The following MBNL3 variants were observed in gnomAD, a reference collection of about 807,000 sequenced individuals.
The protein encoded by MBNL3 is muscleblind like splicing regulator 3.
MBNL3 carries 6 observed loss-of-function variants against 24.5 expected under a neutral mutation model. That is an observed-to-expected ratio of 0.25 (90% CI 0.13 to 0.48). The LOEUF is 0.48. MBNL3 is among the 20% of genes least tolerant of loss of function. The pLI is 0.99. For synonymous variants in MBNL3, 100 were observed against 101.7 expected, an observed-to-expected ratio of 0.98 and a Z score of 0.10; for missense variants, 230 against 293.5, an observed-to-expected ratio of 0.78 and a Z score of 1.58.
At chrX:132,457,373 A>G (rs2148488719) in intron 1 of MBNL3, among the ~76,000 whole-genome samples, 1 of 111,597 alleles carries the variant, frequency 9.0e-6, no homozygotes, top group Non-Finnish European at 1.9e-5. Flanking sequence ...AAGTAAGAAG[A>G]TATCTATAGA....
chrX:132,419,106 A>G (rs1943562353), intron 2 of MBNL3, among the ~76,000 whole-genome samples: 2 of 112,946 alleles, frequency 1.8e-5, no homozygotes, highest in African/African-American at 3.2e-5. Flanking sequence ...ATAGCCTTCC[A>G]TAATTCCTGA....
Position 132,369,643 on chromosome X carries a change from G to GT in MBNL3, c.*10022dup, listed in dbSNP as rs1933441740. ...TTCTTTCTCCATTCCCTCAAGTCCA[G>GT]TTTTTAATGAACAGGCTGTTTGCTT... On this transcript the variant is annotated 3_prime_UTR_variant, in exon 9 of 9. Transcript: ENST00000370853. 1 of 112,017 alleles carries GT rather than the reference G, an allele frequency of 8.9e-6. No homozygotes were observed. Among genetic ancestry groups the GT allele is most frequent in the East Asian group, 2.8e-4 (1 of 3,569 alleles). 9.2% of individuals were successfully genotyped at this position (112,017 alleles called of 1,213,427 possible).
intron 1 of MBNL3, among the ~76,000 whole-genome samples, chrX:132,458,115 A>G (rs1946462051): frequency 9.0e-6 from 1 of 111,347 alleles, no homozygotes; most frequent in African/African-American, 3.3e-5. Context: ...TTAACCTTCT[A>G]TAAATTTATT....
intron 5 of MBNL3, among the ~76,000 whole-genome samples, chrX:132,388,432 T>A (rs889801212): frequency 8.9e-6 from 1 of 112,426 alleles, no homozygotes; most frequent in African/African-American, 3.2e-5. Flanking sequence ...CTTATCTGGT[T>A]GTTAAAAAGA....
At chrX:132,429,130 G>T (rs753413308) in intron 2 of MBNL3, among the ~76,000 whole-genome samples, 10 of 112,281 alleles carry the variant, frequency 8.9e-5, no homozygotes, top group Non-Finnish European at 1.7e-4. Context: ...AGGAAGAGAT[G>T]ATTTTGAGCT....
At position 132,376,004 on chromosome X, in the gene MBNL3, T is replaced by G. The variant is rs1226005408; in HGVS notation, c.*3662A>C. 8.9e-6 allele frequency: 1 copy of G among 112,014 alleles called. No homozygotes were observed. The highest frequency in any genetic ancestry group is 2.8e-4 in the East Asian group (1 of 3,582). 9.2% of individuals were successfully genotyped at this position (112,014 alleles called of 1,213,427 possible). ...TATTGGTAATGCTACTTAAAACAGA[T>G]TCAAGTTGCAAAGATTAATTTCATT... On this transcript the variant is annotated 3_prime_UTR_variant, in exon 9 of 9. Transcript: ENST00000370853.
Position 132,379,583 on chromosome X carries a change from A to T in MBNL3, c.*83T>A, listed in dbSNP as rs1190313391. On this transcript the variant is annotated 3_prime_UTR_variant, in exon 9 of 9. Transcript: ENST00000370853. ...GCAACACGCTTATTGTTGTGTTGGTAGAATAAGACATACGAGAATATATAT... is the reference window on the plus strand; with the variant it reads ...GCAACACGCTTATTGTTGTGTTGGTTGAATAAGACATACGAGAATATATAT... 1.5e-5 allele frequency: 15 copies of T among 996,173 alleles called. No homozygotes were observed. The highest frequency in any genetic ancestry group is 1.9e-5 in the Non-Finnish European group (14 of 732,830). The allele number at this position is 996,173 out of a possible 1,213,427, so 82.1% of individuals were successfully genotyped here.
At position 132,428,741 on chromosome X, in the gene MBNL3, TAAAC is replaced by T. The variant is rs762297388; in HGVS notation, c.177+10690_177+10693del. ...CTGCAAGGGCAAACAGAACAGTAAG[TAAAC>T]AATGTTCTATGAATAATGTCATGTT... On this transcript the variant is annotated intron_variant, in intron 2 of 8. Coordinates refer to ENST00000370853, the MANE Select transcript of MBNL3 (RefSeq NM_001386889.1). Among the ~76,000 whole-genome samples the T allele has an allele frequency of 2.7e-5, 3 of 111,860 alleles. No individual in the cohort carries two copies. The South Asian group carries it at 1.1e-3, about 42-fold the overall frequency.
chrX:132,459,128 G>A, intron 1 of MBNL3, among the ~76,000 whole-genome samples: 1 of 103,507 alleles, frequency 9.7e-6, no homozygotes, highest in East Asian at 3.0e-4. Flanking sequence ...AATACTAGTT[G>A]AGTTGAAATT....
intron 1 of MBNL3, among the ~76,000 whole-genome samples, chrX:132,476,826 G>A (rs1173914839): frequency 9.0e-6 from 1 of 111,204 alleles, no homozygotes; most frequent in Non-Finnish European, 1.9e-5. Flanking sequence ...ACGTGAAAAA[G>A]GTAGCTGACA....
intron 1 of MBNL3, among the ~76,000 whole-genome samples, chrX:132,468,942 T>C (rs766306798): frequency 8.9e-6 from 1 of 112,725 alleles, no homozygotes; most frequent in Non-Finnish European, 1.9e-5. Context: ...TGCCAAGGAA[T>C]GTTAACAGCT....
At position 132,441,255 on chromosome X, in the gene MBNL3, G is replaced by A. The variant is rs188199815; in HGVS notation, c.-703-941C>T. Among the ~76,000 whole-genome samples, 212 of 112,365 alleles carry A rather than the reference G, an allele frequency of 1.9e-3. 1 individual carries two copies. Among genetic ancestry groups the A allele is most frequent in the African/African-American group, 6.3e-3 (194 of 31,004 alleles). On this transcript the variant is annotated intron_variant, in intron 1 of 8. Coordinates refer to ENST00000370853, the MANE Select transcript of MBNL3 (RefSeq NM_001386889.1). ...CTTGGGACCATTAATGTATTAGGAAGTATAATAGTTCTCCTCTTTAAGTGG... is the reference window on the plus strand; with the variant it reads ...CTTGGGACCATTAATGTATTAGGAAATATAATAGTTCTCCTCTTTAAGTGG...
chrX:132,468,695 C>A (rs192986364), intron 1 of MBNL3, among the ~76,000 whole-genome samples: 2 of 111,768 alleles, frequency 1.8e-5, no homozygotes, highest in Non-Finnish European at 3.8e-5. Flanking sequence ...TAACTTGGTT[C>A]GAGATTATGC....
At chrX:132,412,601 T>G (rs1273441594) in intron 2 of MBNL3, among the ~76,000 whole-genome samples, 1 of 112,442 alleles carries the variant, frequency 8.9e-6, no homozygotes, top group Non-Finnish European at 1.9e-5. Context: ...GAGCTTGATC[T>G]TTTTCTTAGA....
chrX:132,413,210 G>A (rs1034118203), intron 2 of MBNL3, among the ~76,000 whole-genome samples: 3 of 111,513 alleles, frequency 2.7e-5, no homozygotes, highest in African/African-American at 9.8e-5. Flanking sequence ...CGATTTAGAA[G>A]CCAGGACAAA....
chrX:132,392,477 T>A, intron 3 of MBNL3, 143 bp from the exon 4 acceptor site: 1 of 501,619 alleles, frequency 2.0e-6, no homozygotes, highest in Non-Finnish European at 3.1e-6. Context: ...ATTTTTAGCC[T>A]CATACTAATT....
Position 132,379,692 on chromosome X carries a change from AAAAGAAAG to A in MBNL3, c.1054-23_1054-16del. Reference sequence around the variant, plus strand: ...CAGAATTTCAGCTGAAATGGAAAAAAAAAGAAAGAAAGAAAGAGTGAGAAATATTGAAA... The same window carrying A: ...CAGAATTTCAGCTGAAATGGAAAAAAAAAGAAAGAGTGAGAAATATTGAAA... On this transcript the variant is annotated splice_polypyrimidine_tract_variant and intron_variant, in intron 8 of 8. Transcript: ENST00000370853. 2.6e-6 allele frequency: 3 copies of A among 1,147,403 alleles called. No homozygotes were observed. The highest frequency in any genetic ancestry group is 3.6e-6 in the Non-Finnish European group (3 of 839,800). 94.6% of individuals were successfully genotyped at this position (1,147,403 alleles called of 1,213,427 possible). A position where few individuals can be genotyped will look rare whatever the true frequency, so the allele number is the denominator to read the frequency against.
intron 2 of MBNL3, among the ~76,000 whole-genome samples, chrX:132,407,470 G>T (rs1289016953): frequency 1.8e-5 from 2 of 112,163 alleles, no homozygotes; most frequent in Non-Finnish European, 3.8e-5. Flanking sequence ...AAATTAAAGT[G>T]ATTTACAAAA....
chrX:132,389,461 C>T lies in MBNL3; in HGVS notation c.771+1386G>A, dbSNP rs758314111. Reference sequence around the variant, plus strand: ...AGTTGCAGCAAGATAAATTTCAACTCGGTATGAGGAAAACCTTCTTAATAG... The same window carrying T: ...AGTTGCAGCAAGATAAATTTCAACTTGGTATGAGGAAAACCTTCTTAATAG... On this transcript the variant is annotated intron_variant, in intron 5 of 8. Transcript: ENST00000370853. Among the ~76,000 whole-genome samples the T allele has an allele frequency of 8.9e-5, 10 of 111,941 alleles. No homozygotes were observed. The South Asian group carries it at 3.4e-3, about 38-fold the overall frequency.
Sources: gnomAD v4.1 joint callset for allele counts (sites outside exome capture counted in the v4.1 genomes callset) on GRCh38, gnomAD v4.1.1 for gene constraint, MANE v1.5 for transcripts, NCBI Gene and HGNC (gene_info 2026-07-23, HGNC 2026-07-21) for gene names.